Variants in CNTNAP5 observed in about 807,000 individuals in gnomAD.
CNTNAP5 encodes contactin associated protein family member 5, also known as contactin-associated protein-like 5.
A neutral mutation model predicts 150.2 loss-of-function variants in CNTNAP5; 72 were observed. The ratio of observed to expected loss-of-function variants is 0.48; its 90% CI spans 0.40 to 0.58. The LOEUF is 0.58. Ranked by LOEUF, CNTNAP5 falls within the 20% of genes least tolerant of loss-of-function variation. The pLI, the probability that CNTNAP5 is intolerant of heterozygous loss-of-function variation, is 0.00. For synonymous variants in CNTNAP5, 672 were observed against 619.8 expected (o/e 1.08, Z -1.25); for missense variants, 1,636 against 1,626.2 (o/e 1.01, Z -0.10).
At chr2:124,491,989 A>T (rs2104850740) in intron 7 of CNTNAP5, among the ~76,000 whole-genome samples, 1 of 152,076 alleles carries the variant, frequency 6.6e-6, no homozygotes, top group South Asian at 2.1e-4. Flanking sequence ...ATTGAGTTAT[A>T]TTATGAGTTT....
chr2:124,777,670 C>G (rs559571627), intron 17 of CNTNAP5, among the ~76,000 whole-genome samples: 17 of 152,218 alleles, frequency 1.1e-4, no homozygotes, highest in South Asian at 8.3e-4. Flanking sequence ...TTCAGACACA[C>G]TTTTGAAAGG....
At chr2:124,439,623 A>G (rs1482159146) in intron 5 of CNTNAP5, among the ~76,000 whole-genome samples, 2 of 152,176 alleles carry the variant, frequency 1.3e-5, no homozygotes, top group East Asian at 3.9e-4. Flanking sequence ...CTTTAGAGAA[A>G]CATAGAGACT....
intron 13 of CNTNAP5, among the ~76,000 whole-genome samples, chr2:124,685,208 A>C (rs1467046245): frequency 6.6e-6 from 1 of 152,154 alleles, no homozygotes; most frequent in Non-Finnish European, 1.5e-5. Context: ...TTCTGACTGC[A>C]AAAGTGCAGG....
At chr2:124,768,412 C>T (rs571164235) in intron 16 of CNTNAP5, among the ~76,000 whole-genome samples, 1 of 151,852 alleles carries the variant, frequency 6.6e-6, no homozygotes, top group East Asian at 1.9e-4. Flanking sequence ...GAGAATATTA[C>T]AAAATATGAT....
At chr2:124,791,500 C>T (rs528682926) in intron 18 of CNTNAP5, among the ~76,000 whole-genome samples, 5 of 152,240 alleles carry the variant, frequency 3.3e-5, no homozygotes, top group African/African-American at 1.2e-4. Flanking sequence ...TTTGAGCCAT[C>T]CCACATGCTA....
chr2:124,385,129 A>C (rs978408382), intron 3 of CNTNAP5, among the ~76,000 whole-genome samples: 2 of 152,208 alleles, frequency 1.3e-5, no homozygotes, highest in Non-Finnish European at 2.9e-5. Flanking sequence ...TTTCATTTGA[A>C]CATGAATTAA....
chr2:124,217,023 C>T (rs1573843551), intron 1 of CNTNAP5, among the ~76,000 whole-genome samples: 2 of 152,084 alleles, frequency 1.3e-5, no homozygotes, highest in South Asian at 4.1e-4. Flanking sequence ...AAAAGTGTTC[C>T]TATCAGAGTT....
chr2:124,032,014 A>G (rs1231560286), intron 1 of CNTNAP5, among the ~76,000 whole-genome samples: 2 of 152,164 alleles, frequency 1.3e-5, no homozygotes, highest in South Asian at 4.1e-4. Flanking sequence ...TCTTTGCTAA[A>G]CTCAAGTTTG....
At chr2:124,891,602 G>A (rs1015525411) in intron 21 of CNTNAP5, among the ~76,000 whole-genome samples, 4 of 152,236 alleles carry the variant, frequency 2.6e-5, no homozygotes, top group African/African-American at 9.6e-5. Flanking sequence ...AACCCTGGAA[G>A]TCTGATTCCT....
At chr2:124,796,292 C>T (rs1212078916) in intron 18 of CNTNAP5, among the ~76,000 whole-genome samples, 1 of 152,244 alleles carries the variant, frequency 6.6e-6, no homozygotes, top group South Asian at 2.1e-4. Context: ...TTATTCCTAA[C>T]AGAATGCTCT....
intron 13 of CNTNAP5, among the ~76,000 whole-genome samples, chr2:124,713,869 GAC>G (rs1225042869): frequency 1.3e-5 from 2 of 152,036 alleles, no homozygotes; most frequent in Non-Finnish European, 2.9e-5. Flanking sequence ...ATCAACACCT[GAC>G]TCCCCATCTC....
chr2:124,650,975 C>T (rs1293512578), intron 13 of CNTNAP5, among the ~76,000 whole-genome samples: 4 of 152,134 alleles, frequency 2.6e-5, no homozygotes, highest in African/African-American at 9.7e-5. Flanking sequence ...AGCGAGTATG[C>T]ATATTTTTAA....
intron 12 of CNTNAP5, 33 bp from the exon 13 acceptor site, chr2:124,647,725 C>T (rs924802): frequency 0.58 from 887,732 of 1,535,670 alleles, 264,087 homozygotes; most frequent in Non-Finnish European, 0.62. Context: ...TTGCTTCTAA[C>T]GTCTCTTGCT....
chr2:124,125,863 C>T (rs546840965), intron 1 of CNTNAP5, among the ~76,000 whole-genome samples: 59 of 152,032 alleles, frequency 3.9e-4, no homozygotes, highest in Middle Eastern at 3.4e-3. Flanking sequence ...CTTTGAAACC[C>T]GTGAGAAAAA....
intron 7 of CNTNAP5, among the ~76,000 whole-genome samples, chr2:124,487,962 A>G (rs1693929053): frequency 2.0e-5 from 3 of 152,176 alleles, no homozygotes; most frequent in Admixed American, 1.3e-4. Flanking sequence ...TCCAGAGATC[A>G]TTAGGTCTAA....
chr2:124,026,478 G>C (rs1243587317), intron 1 of CNTNAP5, among the ~76,000 whole-genome samples: 1 of 152,170 alleles, frequency 6.6e-6, no homozygotes. Flanking sequence ...AGAAGCCTGG[G>C]CTCCCGGGGA....
At chr2:124,131,465 A>G (rs1445163467) in intron 1 of CNTNAP5, among the ~76,000 whole-genome samples, 1 of 152,198 alleles carries the variant, frequency 6.6e-6, no homozygotes, top group Non-Finnish European at 1.5e-5. Flanking sequence ...CACATTAGTG[A>G]CTGCCAGATG....
chr2:124,528,721 A>G (rs2104891878), intron 10 of CNTNAP5, among the ~76,000 whole-genome samples: 1 of 152,236 alleles, frequency 6.6e-6, no homozygotes, highest in East Asian at 1.9e-4. Context: ...GACTTTGTGT[A>G]CCAGTGGGAT....
intron 1 of CNTNAP5, among the ~76,000 whole-genome samples, chr2:124,035,910 CTTTTTTTTTTTTT>C (rs759598012): frequency 1.3e-5 from 1 of 76,528 alleles, no homozygotes; most frequent in African/African-American, 5.7e-5. Flanking sequence ...AGGATGAACT[CTTTTTTTTTTTTT>C]TTTTTTTTTT....
Sources: allele counts gnomAD v4.1 joint callset (sites outside exome capture counted in the v4.1 genomes callset), GRCh38; gene constraint gnomAD v4.1.1; transcripts MANE v1.5; gene names NCBI Gene and HGNC (gene_info 2026-07-23, HGNC 2026-07-21).